BDH1: variants seen among roughly 807,000 people sequenced by gnomAD.
BDH1 encodes the protein D-beta-hydroxybutyrate dehydrogenase, mitochondrial.
Under a neutral mutation model 33.1 loss-of-function variants are expected in BDH1, and 30 were observed. The ratio of observed to expected loss-of-function variants is 0.91; its 90% CI spans 0.68 to 1.23. The LOEUF is 1.23. BDH1 is among the 50% of genes most tolerant of loss of function. BDH1 has a pLI of 0.00. For synonymous variants in BDH1, 190 were observed against 183.6 expected, an observed-to-expected ratio of 1.03 and a Z score of -0.28; for missense variants, 443 against 464.4, an observed-to-expected ratio of 0.95 and a Z score of 0.42.
In BDH1 at chr3:197,547,872, G is replaced by T. The variant is rs557639710; in HGVS notation, c.-43-1386C>A. Among the ~76,000 whole-genome samples, 8 of 152,374 alleles carry T rather than the reference G, an allele frequency of 5.3e-5. No homozygotes were observed. The South Asian group carries it at 1.7e-3, about 32-fold the overall frequency. On this transcript the variant is annotated intron_variant, in intron 2 of 7. Coordinates refer to ENST00000392379, the MANE Select transcript of BDH1 (RefSeq NM_203314.3). Reference sequence around the variant, plus strand: ...CTGCTCTGCCCTCATCCTGGATGCTGAGTCCTCTGTCTCCCTCACTAAAGT... The same window carrying T: ...CTGCTCTGCCCTCATCCTGGATGCTTAGTCCTCTGTCTCCCTCACTAAAGT...
At chr3:197,553,274 T>C (rs1376528150) in intron 2 of BDH1, among the ~76,000 whole-genome samples, 2 of 146,548 alleles carry the variant, frequency 1.4e-5, no homozygotes, top group Non-Finnish European at 3.0e-5. Flanking sequence ...CTCACGCCTG[T>C]AATCCCAGCA....
intron 5 of BDH1, among the ~76,000 whole-genome samples, chr3:197,527,186 C>A (rs1033845691): frequency 1.3e-5 from 2 of 152,174 alleles, no homozygotes; most frequent in Non-Finnish European, 2.9e-5. Context: ...GAGGAGCGAG[C>A]CTGGGCACTG....
At chr3:197,541,211 C>T (rs920767720) in intron 3 of BDH1, among the ~76,000 whole-genome samples, 1 of 152,180 alleles carries the variant, frequency 6.6e-6, no homozygotes, top group African/African-American at 2.4e-5. Context: ...AAAATGCAAA[C>T]TCCCAGGTCC....
At chr3:197,553,996 C>T (rs562730372) in intron 2 of BDH1, among the ~76,000 whole-genome samples, 48 of 152,290 alleles carry the variant, frequency 3.2e-4, no homozygotes, top group African/African-American at 9.6e-4. Context: ...CAAGCTGAGC[C>T]CCCGAGTCCT....
intron 2 of BDH1, among the ~76,000 whole-genome samples, chr3:197,550,907 G>A (rs939048237): frequency 6.6e-6 from 1 of 152,084 alleles, no homozygotes; most frequent in Non-Finnish European, 1.5e-5. Flanking sequence ...AAAACTGAAG[G>A]CAGAACACTA....
Position 197,522,933 on chromosome 3 carries a change from G to T in BDH1, c.268-152C>A, listed in dbSNP as rs1336773487. 2.5e-6 allele frequency: 2 copies of T among 804,534 alleles called. No individual in the cohort carries two copies. The highest frequency in any genetic ancestry group is 2.9e-5 in the Admixed American group (1 of 34,318). 49.8% of individuals were successfully genotyped at this position (804,534 alleles called of 1,614,324 possible). A position where few individuals can be genotyped will look rare whatever the true frequency, so the allele number is the denominator to read the frequency against. ...CCATGGGCCTGGCCCACCAGCATGC[G>T]GTTCTTTTTAATCCTGAGCACTGAT... On this transcript the variant is annotated intron_variant, in intron 5 of 7. Coordinates refer to ENST00000392379, the MANE Select transcript of BDH1 (RefSeq NM_203314.3). This position sits in a 1 kb window ranked among gnomAD's most constrained non-coding sequence, Gnocchi z 4.8.
At chr3:197,513,463 TCAGCCCATCCAGGTGTGC>T (rs1712326688) in intron 7 of BDH1, among the ~76,000 whole-genome samples, 1 of 147,550 alleles carries the variant, frequency 6.8e-6, no homozygotes, top group Non-Finnish European at 1.5e-5. Flanking sequence ...GGGAGGGCAC[TCAGCCCATCCAGGTGTGC>T]CCCCGGGAGG....
chr3:197,526,703 G>C lies in BDH1; in HGVS notation c.268-3922C>G, dbSNP rs1241378455. Among the ~76,000 whole-genome samples, 3 of 152,180 alleles carry C rather than the reference G, an allele frequency of 2.0e-5. No homozygotes were observed. The highest frequency in any genetic ancestry group is 4.4e-5 in the Non-Finnish European group (3 of 68,024). ...ACTGTCCACACAGGGCCAGGCAACTGTTTCCTGCCCAGGTAGAAGGATAGC... is the reference window on the plus strand; with the variant it reads ...ACTGTCCACACAGGGCCAGGCAACTCTTTCCTGCCCAGGTAGAAGGATAGC... On this transcript the variant is annotated intron_variant, in intron 5 of 7. Transcript: ENST00000392379. The surrounding 1 kb of genome is among the most constrained non-coding windows in gnomAD (Gnocchi z 4.7).
Position 197,514,289 on chromosome 3 carries a change from A to G in BDH1, c.537T>C (p.Phe179=), listed in dbSNP as rs1396512946. ...LWGTVRMTKS[F]LPLIRRAKGR... Reference sequence around the variant, plus strand: ...CTTTGGCCCTTCGGATGAGGGGGAGAAAGGATTTCGTCATCCGCACTGTGC... The same window carrying G: ...CTTTGGCCCTTCGGATGAGGGGGAGGAAGGATTTCGTCATCCGCACTGTGC... The change falls in exon 7 of 8, where the codon TTT becomes TTC. Residue 179 remains phenylalanine, a synonymous_variant. Coordinates refer to ENST00000392379, the MANE Select transcript of BDH1 (RefSeq NM_203314.3). This position sits in a 1 kb window ranked among gnomAD's most constrained non-coding sequence, Gnocchi z 4.2. 4.3e-6 allele frequency: 7 copies of G among 1,613,520 alleles called. No individual in the cohort carries two copies. The East Asian group carries it at 1.3e-4, about 31-fold the overall frequency.
chr3:197,566,104 T>C (rs1048703207), intron 1 of BDH1, among the ~76,000 whole-genome samples: 2 of 152,266 alleles, frequency 1.3e-5, no homozygotes, highest in African/African-American at 4.8e-5. Context: ...CCATATTTGT[T>C]TCTGTCAACC....
intron 2 of BDH1, among the ~76,000 whole-genome samples, chr3:197,552,653 TA>T (rs1345172385): frequency 1.3e-5 from 2 of 152,194 alleles, no homozygotes; most frequent in East Asian, 1.9e-4. Flanking sequence ...AGTCCTTTAC[TA>T]AAATGTTTAC....
chr3:197,572,795 C>T (rs747255372), intron 1 of BDH1, among the ~76,000 whole-genome samples: 2 of 152,124 alleles, frequency 1.3e-5, no homozygotes, highest in African/African-American at 2.4e-5. Flanking sequence ...GATTCTCAAT[C>T]CCTAAAACTG....
rs1714368984 is a variant in BDH1, at chr3:197,528,716, A to T, written c.267+3696T>A. 1 of 152,230 alleles carries T rather than the reference A, an allele frequency of 6.6e-6. No individual in the cohort carries two copies. The highest frequency in any genetic ancestry group is 1.5e-5 in the Non-Finnish European group (1 of 68,042). The allele number at this position is 152,230 out of a possible 1,614,324, so 9.4% of individuals were successfully genotyped here. On this transcript the variant is annotated intron_variant, in intron 5 of 7. Coordinates refer to ENST00000392379, the MANE Select transcript of BDH1 (RefSeq NM_203314.3). The surrounding 1 kb of genome is among the most constrained non-coding windows in gnomAD (Gnocchi z 5.1). The stretch of plus-strand genomic sequence containing the variant: ...TGGTACTTTCTTCAAAATACCAGTC[A>T]ACCAATTCTAGAATCACTGTTGCAG...
At chr3:197,515,527 C>A in intron 6 of BDH1, 1 of 985,740 alleles carries the variant, frequency 1.0e-6, no homozygotes, top group Non-Finnish European at 1.2e-6. Flanking sequence ...TCTTCGAGAC[C>A]ATAGCCACTG....
chr3:197,532,233 G>A (rs1267796843), intron 5 of BDH1, among the ~76,000 whole-genome samples, 179 bp downstream of exon 5: 3 of 152,170 alleles, frequency 2.0e-5, no homozygotes, highest in African/African-American at 7.2e-5. Context: ...ATGGATGGAT[G>A]GATGCATGGA....
In BDH1 at chr3:197,533,183, G is replaced by A. The variant is rs1714835078; in HGVS notation, c.156+306C>T. Among the ~76,000 whole-genome samples, 3 of 152,066 alleles carry A rather than the reference G, an allele frequency of 2.0e-5. No homozygotes were observed. The South Asian group carries it at 6.2e-4, about 31-fold the overall frequency. On this transcript the variant is annotated intron_variant, in intron 4 of 7. Transcript: ENST00000392379. The stretch of plus-strand genomic sequence containing the variant: ...GGAGCCACCGCCCTGGGCCTCCGGA[G>A]TCTAAACTCTTAACCCCTAACTTGC...
In BDH1 at chr3:197,516,926, G is replaced by A. The variant is rs1169831178; in HGVS notation, c.410-2510C>T. Among the ~76,000 whole-genome samples, 3 of 152,048 alleles carry A rather than the reference G, an allele frequency of 2.0e-5. No homozygotes were observed. Among genetic ancestry groups the A allele is most frequent in the African/African-American group, 7.2e-5 (3 of 41,384 alleles). ...CTAAATTGTCTCATATCCGGTTGAG[G>A]CAACTGAAGCTCAGAGAGGTTAAGC... is the stretch of plus-strand genomic sequence containing the variant. On this transcript the variant is annotated intron_variant, in intron 6 of 7. Transcript: ENST00000392379. This position sits in a 1 kb window ranked among gnomAD's most constrained non-coding sequence, Gnocchi z 4.2.
chr3:197,530,850 T>C (rs573273067), intron 5 of BDH1: 1 of 152,698 alleles, frequency 6.5e-6, no homozygotes, highest in East Asian at 1.9e-4. Context: ...ATGCAAACAC[T>C]TGTGTAACAT....
intron 3 of BDH1, 74 bp from the exon 4 acceptor site, chr3:197,533,635 A>G (rs1196045163): frequency 1.4e-6 from 2 of 1,448,472 alleles, no homozygotes; most frequent in African/African-American, 2.8e-5. Flanking sequence ...CTAGAGCAGC[A>G]CTGGGTGTCT....
Sources: gnomAD v4.1 joint callset for allele counts (sites outside exome capture counted in the v4.1 genomes callset) on GRCh38, gnomAD v4.1.1 for gene constraint, Gnocchi (gnomAD v3.1) non-coding constraint, MANE v1.5 for transcripts, NCBI Gene and HGNC (gene_info 2026-07-23, HGNC 2026-07-21) for gene names.